Variants in NETO2 observed in about 807,000 individuals in gnomAD.
The protein encoded by NETO2 is neuropilin and tolloid like 2, also known as neuropilin and tolloid-like protein 2.
In NETO2, 28 loss-of-function variants were observed where a neutral mutation model predicts 62.5. The observed-to-expected ratio is 0.45, with a 90% confidence interval of 0.33 to 0.61. The LOEUF (loss-of-function observed/expected upper bound fraction) is 0.61, where lower values mean the gene tolerates loss of function less well. Among genes scored for constraint, NETO2 ranks in the 20% least tolerant of loss-of-function variants. NETO2 has a pLI of 0.02. For synonymous variants in NETO2, 214 were observed against 219.1 expected (o/e 0.98, Z 0.21); for missense variants, 548 against 643.2 (o/e 0.85, Z 1.60).
intron 7 of NETO2, among the ~76,000 whole-genome samples, chr16:47,106,871 T>A (rs545953738): frequency 6.6e-6 from 1 of 151,530 alleles, no homozygotes; most frequent in African/African-American, 2.4e-5. Context: ...AACCTCCACC[T>A]CCCAGTTTCA....
intron 1 of NETO2, among the ~76,000 whole-genome samples, chr16:47,140,013 A>AT (rs1283756191): frequency 6.6e-6 from 1 of 152,200 alleles, no homozygotes; most frequent in African/African-American, 2.4e-5. Flanking sequence ...TCTTAATGTC[A>AT]TTTTGATTAG....
intron 8 of NETO2, among the ~76,000 whole-genome samples, chr16:47,084,467 C>T (rs1963141825): frequency 6.6e-6 from 1 of 152,204 alleles, no homozygotes; most frequent in African/African-American, 2.4e-5. Context: ...CTCCCCATCA[C>T]TCGCATTACC....
chr16:47,136,838 T>G (rs931321540), intron 1 of NETO2, among the ~76,000 whole-genome samples: 1 of 151,746 alleles, frequency 6.6e-6, no homozygotes, highest in Non-Finnish European at 1.5e-5. Flanking sequence ...AAACAAAAAA[T>G]AAATACTAGA....
rs1963087440 is a variant in NETO2 at position 47,082,417 on chromosome 16, T to C, written c.*804A>G. ...GGGCTGTCACTGAATGTGACTATAC[T>C]TGGTAAACTTCAAAGGCTTGCTAGA... On this transcript the variant is annotated 3_prime_UTR_variant, in exon 9 of 9. Coordinates refer to ENST00000562435, the MANE Select transcript of NETO2 (RefSeq NM_018092.5). 1 of 152,262 alleles carries C rather than the reference T, an allele frequency of 6.6e-6. No homozygotes were observed. The highest frequency in any genetic ancestry group is 1.5e-5 in the Non-Finnish European group (1 of 68,038). The allele number at this position is 152,262 out of a possible 1,614,324, so 9.4% of individuals were successfully genotyped here.
In NETO2 at chr16:47,128,326, T is replaced by A. The variant is rs760475328; in HGVS notation, c.480A>T (p.Pro160=). The A allele has an allele frequency of 6.2e-7, 1 of 1,612,340 alleles. No homozygotes were observed. ...CTTAAAAGATAACTTATTCTTTACC[T>A]GGAATAAATGAATATTTTGCTCGAA... ...LGFRAKYSFI[P]DPDFTYLGGI... Residue 160 remains proline, a splice_region_variant and synonymous_variant, in exon 4 of 9, where the codon CCA becomes CCT. Coordinates refer to ENST00000562435, the MANE Select transcript of NETO2 (RefSeq NM_018092.5).
In NETO2 at chr16:47,129,211, A is replaced by C; in HGVS notation, c.232+13T>G. On this transcript the variant is annotated intron_variant, in intron 3 of 8. Coordinates refer to ENST00000562435, the MANE Select transcript of NETO2 (RefSeq NM_018092.5). ...AGTAAAAATTCATCCAATAAAAGAA[A>C]TCGTTCAAATACCTTCCAAAATGTA... 1 of 1,610,806 alleles carries C rather than the reference A, an allele frequency of 6.2e-7. No homozygotes were observed. The highest frequency in any genetic ancestry group is 8.5e-7 in the Non-Finnish European group (1 of 1,177,630).
chr16:47,102,564 T>A, intron 7 of NETO2, among the ~76,000 whole-genome samples: 1 of 143,488 alleles, frequency 7.0e-6, no homozygotes. Flanking sequence ...ATATCCAGAA[T>A]CTATAAGGAA....
rs897139329 is a variant in NETO2 at position 47,078,902 on chromosome 16, G to C, written c.*4319C>G. Reference sequence around the variant, plus strand: ...AAGAAAAGGGGAAATATAATGCATTGAAGAAATTACAGAATAAATTACATT... The same window carrying C: ...AAGAAAAGGGGAAATATAATGCATTCAAGAAATTACAGAATAAATTACATT... On this transcript the variant is annotated 3_prime_UTR_variant, in exon 9 of 9. Coordinates refer to ENST00000562435, the MANE Select transcript of NETO2 (RefSeq NM_018092.5). 2.1e-4 allele frequency: 32 copies of C among 152,214 alleles called. No homozygotes were observed. Among genetic ancestry groups the C allele is most frequent in the African/African-American group, 6.5e-4 (27 of 41,456 alleles). The allele number at this position is 152,214 out of a possible 1,614,324, so 9.4% of individuals were successfully genotyped here. A position where few individuals can be genotyped will look rare whatever the true frequency, so the allele number is the denominator to read the frequency against.
intron 4 of NETO2, 100 bp downstream of exon 4, chr16:47,128,225 T>C (rs2151489671): frequency 1.4e-6 from 2 of 1,405,116 alleles, no homozygotes; most frequent in South Asian, 2.9e-5. Context: ...AATCTTGATT[T>C]GATTAACTTG....
At chr16:47,141,296 C>T (rs935848241) in intron 1 of NETO2, among the ~76,000 whole-genome samples, 11 of 152,154 alleles carry the variant, frequency 7.2e-5, no homozygotes, top group Non-Finnish European at 1.3e-4. Flanking sequence ...CAGATAAGAA[C>T]CTCTTTGATG....
At chr16:47,123,977 A>T (rs1422626273) in intron 4 of NETO2, among the ~76,000 whole-genome samples, 1 of 152,220 alleles carries the variant, frequency 6.6e-6, no homozygotes, top group South Asian at 2.1e-4. Flanking sequence ...AATTACAGGC[A>T]TGAGCCACTG....
At chr16:47,128,282 A>AC in intron 4 of NETO2, 43 bp downstream of exon 4, 1 of 1,582,748 alleles carries the variant, frequency 6.3e-7, no homozygotes, top group Non-Finnish European at 8.6e-7. Context: ...AATCAGAGTT[A>AC]GAGTGAGATG....
chr16:47,132,606 C>T (rs1355668861), intron 1 of NETO2, among the ~76,000 whole-genome samples: 1 of 152,178 alleles, frequency 6.6e-6, no homozygotes, highest in Admixed American at 6.5e-5. Flanking sequence ...TTGAACATTT[C>T]TGAGACCCAA....
chr16:47,095,929 A>G (rs1331476289), intron 7 of NETO2, among the ~76,000 whole-genome samples: 1 of 152,216 alleles, frequency 6.6e-6, no homozygotes, highest in Non-Finnish European at 1.5e-5. Flanking sequence ...AAGTCTTAAT[A>G]TATTTTAAAT....
At chr16:47,097,104 C>T (rs1206951784) in intron 7 of NETO2, among the ~76,000 whole-genome samples, 4 of 152,222 alleles carry the variant, frequency 2.6e-5, no homozygotes, top group African/African-American at 4.8e-5. Flanking sequence ...GCCATTTGGG[C>T]AGACACCGAG....
At chr16:47,098,602 C>A (rs564919037) in intron 7 of NETO2, among the ~76,000 whole-genome samples, 1 of 152,170 alleles carries the variant, frequency 6.6e-6, no homozygotes, top group Non-Finnish European at 1.5e-5. Context: ...GGAAAACACT[C>A]TTCAGGATAT....
At chr16:47,087,695 T>G (rs1963224072) in intron 7 of NETO2, among the ~76,000 whole-genome samples, 1 of 152,234 alleles carries the variant, frequency 6.6e-6, no homozygotes, top group African/African-American at 2.4e-5. Flanking sequence ...ATATATACCA[T>G]GTAATTTCCT....
intron 7 of NETO2, among the ~76,000 whole-genome samples, chr16:47,105,220 G>T (rs1963648071): frequency 6.6e-6 from 1 of 152,026 alleles, no homozygotes; most frequent in African/African-American, 2.4e-5. Context: ...TGACAGGGGT[G>T]CCAAGACCAT....
Position 47,122,797 on chromosome 16 carries a change from C to T in NETO2, c.527-13G>A. 4 of 1,613,926 alleles carry T rather than the reference C, an allele frequency of 2.5e-6. No homozygotes were observed. The highest frequency in any genetic ancestry group is 3.4e-6 in the Non-Finnish European group (4 of 1,179,978). On this transcript the variant is annotated splice_polypyrimidine_tract_variant and intron_variant, in intron 5 of 8. Transcript: ENST00000562435. ...TCGAACTGACAATCTGGAAGGAATA[C>T]ATGAAAGGTGTTCAAAGGAACATAA...
Sources: allele counts gnomAD v4.1 joint callset (sites outside exome capture counted in the v4.1 genomes callset), GRCh38; gene constraint gnomAD v4.1.1; transcripts MANE v1.5; gene names NCBI Gene and HGNC (gene_info 2026-07-23, HGNC 2026-07-21).